The following ST6GALNAC3 variants were observed in gnomAD, a reference collection of about 807,000 sequenced individuals.
The protein encoded by ST6GALNAC3 is alpha-N-acetylgalactosaminide alpha-2,6-sialyltransferase 3.
Under a neutral mutation model 32.7 loss-of-function variants are expected in ST6GALNAC3, and 25 were observed. The ratio of observed to expected loss-of-function variants is 0.76; its 90% confidence interval spans 0.56 to 1.07. ST6GALNAC3 has a LOEUF of 1.07. Ranked by LOEUF, ST6GALNAC3 falls within the 50% of genes least tolerant of loss-of-function variation. ST6GALNAC3 has a pLI of 0.00. For synonymous variants in ST6GALNAC3, 129 were observed against 133.1 expected, an observed-to-expected ratio of 0.97 and a Z score of 0.21; for missense variants, 355 against 382.4, an observed-to-expected ratio of 0.93 and a Z score of 0.60.
At chr1:76,295,567 T>C (rs1419186338) in intron 1 of ST6GALNAC3, among the ~76,000 whole-genome samples, 1 of 152,126 alleles carries the variant, frequency 6.6e-6, no homozygotes, top group African/African-American at 2.4e-5. Context: ...ATGTAGGGGA[T>C]AGAAAATCTT....
intron 3 of ST6GALNAC3, among the ~76,000 whole-genome samples, chr1:76,426,006 T>A (rs563201769): frequency 6.6e-6 from 1 of 152,032 alleles, no homozygotes; most frequent in East Asian, 1.9e-4. Flanking sequence ...ATCTTCCTGT[T>A]TTGAAAAGCA....
chr1:76,278,223 C>CTTTTTTTTTTT (rs568694243), intron 1 of ST6GALNAC3, among the ~76,000 whole-genome samples: 1,781 of 113,258 alleles, frequency 0.016, 127 homozygotes, highest in African/African-American at 0.078. Flanking sequence ...GCTAGGCATT[C>CTTTTTTTTTTT]TTTTTTTTTT....
intron 1 of ST6GALNAC3, chr1:76,308,046 G>C (rs573338578): frequency 3.1e-6 from 1 of 325,184 alleles, no homozygotes; most frequent in East Asian, 7.3e-5. Context: ...CCAAAATGAA[G>C]AACAAAGAAG....
Position 76,343,467 on chromosome 1 carries a change from G to T in ST6GALNAC3, c.213+29468G>T, listed in dbSNP as rs147171753. 6.1e-3 allele frequency among the ~76,000 whole-genome samples: 922 copies of T among 152,316 alleles called. 4 individuals carry two copies. The highest frequency in any genetic ancestry group is 0.021 in the African/African-American group (875 of 41,570). On this transcript the variant is annotated intron_variant, in intron 2 of 4. Transcript: ENST00000328299. ...AAAATGAAAAGACCGTCGGATCAGTGTATACTCTGAGTTCTGTGGGAGCTG... is the reference window on the plus strand; with the variant it reads ...AAAATGAAAAGACCGTCGGATCAGTTTATACTCTGAGTTCTGTGGGAGCTG...
At chr1:76,171,977 T>A (rs1652544414) in intron 1 of ST6GALNAC3, among the ~76,000 whole-genome samples, 2 of 152,084 alleles carry the variant, frequency 1.3e-5, no homozygotes, top group Admixed American at 1.3e-4. Flanking sequence ...CCTCCCTAAC[T>A]CATTTTATGA....
At chr1:76,247,500 A>G (rs1208490744) in intron 1 of ST6GALNAC3, among the ~76,000 whole-genome samples, 1 of 152,074 alleles carries the variant, frequency 6.6e-6, no homozygotes, top group African/African-American at 2.4e-5. Flanking sequence ...GGGCTGCTGC[A>G]TTTCCTTCGA....
intron 1 of ST6GALNAC3, among the ~76,000 whole-genome samples, chr1:76,130,561 A>T (rs889346013): frequency 1.3e-5 from 2 of 151,920 alleles, no homozygotes; most frequent in Admixed American, 6.6e-5. Context: ...CATGTAGTTG[A>T]CCCCTTGGGG....
intron 3 of ST6GALNAC3, among the ~76,000 whole-genome samples, chr1:76,580,215 C>T (rs1368255755): frequency 6.6e-6 from 1 of 152,048 alleles, no homozygotes; most frequent in Non-Finnish European, 1.5e-5. Context: ...TACATCATCC[C>T]TGTTGATGCT....
chr1:76,410,032 G>A (rs1016796527), intron 2 of ST6GALNAC3, among the ~76,000 whole-genome samples: 6 of 152,058 alleles, frequency 3.9e-5, no homozygotes, highest in East Asian at 1.9e-4. Flanking sequence ...TTGTAGCAGC[G>A]GCCTAATCTC....
intron 1 of ST6GALNAC3, among the ~76,000 whole-genome samples, chr1:76,288,873 T>C (rs190316659): frequency 2.6e-4 from 40 of 152,274 alleles, no homozygotes; most frequent in African/African-American, 8.9e-4. Flanking sequence ...TGCTCTATTA[T>C]AGCGAGCAGA....
chr1:76,262,139 G>C (rs912419227), intron 1 of ST6GALNAC3, among the ~76,000 whole-genome samples: 3 of 152,144 alleles, frequency 2.0e-5, no homozygotes, highest in African/African-American at 2.4e-5. Flanking sequence ...AGCACTTACT[G>C]TGTCCCAGAA....
chr1:76,443,661 G>A (rs900180136), intron 3 of ST6GALNAC3, among the ~76,000 whole-genome samples: 13 of 152,298 alleles, frequency 8.5e-5, no homozygotes, highest in African/African-American at 3.1e-4. Flanking sequence ...AAGTGTGAAG[G>A]AGACTGTGAT....
At chr1:76,464,154 C>T (rs1366532196) in intron 3 of ST6GALNAC3, among the ~76,000 whole-genome samples, 1 of 152,174 alleles carries the variant, frequency 6.6e-6, no homozygotes, top group Non-Finnish European at 1.5e-5. Flanking sequence ...CCTCACTGAA[C>T]ACGACTTTAC....
intron 1 of ST6GALNAC3, among the ~76,000 whole-genome samples, chr1:76,295,125 G>GTTTCCT (rs1351376896): frequency 6.6e-6 from 1 of 151,654 alleles, no homozygotes; most frequent in African/African-American, 2.4e-5. Flanking sequence ...TTATTGAGAT[G>GTTTCCT]TTTTCTTTTT....
intron 1 of ST6GALNAC3, among the ~76,000 whole-genome samples, chr1:76,113,991 A>ATT (rs754290749): frequency 0.045 from 5,599 of 125,038 alleles, 418 homozygotes; most frequent in African/African-American, 0.17. Context: ...CGCCCGGCTA[A>ATT]TTTTTTTTTT....
chr1:76,373,118 A>T (rs1299438882), intron 2 of ST6GALNAC3, among the ~76,000 whole-genome samples: 2 of 152,018 alleles, frequency 1.3e-5, no homozygotes, highest in African/African-American at 2.4e-5. Flanking sequence ...GTGATAACAG[A>T]TGGTAACAGG....
intron 2 of ST6GALNAC3, among the ~76,000 whole-genome samples, chr1:76,333,135 A>G (rs936687483): frequency 2.0e-5 from 3 of 152,186 alleles, no homozygotes; most frequent in Non-Finnish European, 4.4e-5. Context: ...GTAAATTTCA[A>G]TAAAGTATTT....
intron 1 of ST6GALNAC3, among the ~76,000 whole-genome samples, chr1:76,209,573 G>A (rs568685825): frequency 2.0e-4 from 31 of 152,332 alleles, no homozygotes; most frequent in African/African-American, 6.7e-4. Context: ...GGAGAAGGTA[G>A]TGGAAGAGGT....
chr1:76,283,753 A>G (rs1557752415), intron 1 of ST6GALNAC3, among the ~76,000 whole-genome samples: 2 of 152,236 alleles, frequency 1.3e-5, no homozygotes, highest in African/African-American at 4.8e-5. Flanking sequence ...GAGAGTGAAT[A>G]GAAATACAGG....
Sources: allele counts gnomAD v4.1 joint callset (sites outside exome capture counted in the v4.1 genomes callset), GRCh38; gene constraint gnomAD v4.1.1; transcripts MANE v1.5; gene names NCBI Gene and HGNC (gene_info 2026-07-23, HGNC 2026-07-21).